Variants in PPM1H observed in about 807,000 individuals in gnomAD.
PPM1H encodes protein phosphatase, Mg2+/Mn2+ dependent 1H, also known as protein phosphatase 1H.
Under a neutral mutation model 54.9 loss-of-function variants are expected in PPM1H, and 27 were observed. The observed-to-expected ratio is 0.49, with a 90% CI of 0.36 to 0.68. The LOEUF is 0.68. PPM1H is among the 30% of genes least tolerant of loss of function. PPM1H has a pLI of 0.00. For missense variants in PPM1H, 596 were observed against 667.8 expected, an observed-to-expected ratio of 0.89 and a Z score of 1.19; for synonymous variants, 305 against 270.8, an observed-to-expected ratio of 1.13 and a Z score of -1.24.
chr12:62,738,490 T>C (rs537698120), intron 4 of PPM1H, among the ~76,000 whole-genome samples: 31 of 152,244 alleles, frequency 2.0e-4, no homozygotes, highest in African/African-American at 7.0e-4. Flanking sequence ...CAGATGTCTA[T>C]AGGAGAGGCT....
rs191125522 is a variant in PPM1H, at chr12:62,911,958, G to T, written c.245+22534C>A. ...CTAGATTTAATTCTCAAAGCCTCAGGTCTTGTCTTGGTTCTTGTTAAATCC... is the reference window on the plus strand; with the variant it reads ...CTAGATTTAATTCTCAAAGCCTCAGTTCTTGTCTTGGTTCTTGTTAAATCC... On this transcript the variant is annotated intron_variant, in intron 1 of 9. Transcript: ENST00000228705. Among the ~76,000 whole-genome samples, 20 of 152,268 alleles carry T rather than the reference G, an allele frequency of 1.3e-4. No homozygotes were observed. The East Asian group carries it at 3.9e-3, about 29-fold the overall frequency.
intron 1 of PPM1H, among the ~76,000 whole-genome samples, chr12:62,898,795 G>A (rs1327653486): frequency 6.6e-6 from 1 of 152,160 alleles, no homozygotes; most frequent in African/African-American, 2.4e-5. Context: ...CTTCAAAATT[G>A]ATCATCTCTG....
chr12:62,927,332 C>T (rs1871999702), intron 1 of PPM1H, among the ~76,000 whole-genome samples: 1 of 152,136 alleles, frequency 6.6e-6, no homozygotes, highest in African/African-American at 2.4e-5. Context: ...ATGGGAAGCC[C>T]TTCAATGGAA....
At chr12:62,829,668 C>T (rs1021839455) in intron 2 of PPM1H, among the ~76,000 whole-genome samples, 4 of 152,138 alleles carry the variant, frequency 2.6e-5, no homozygotes, top group Non-Finnish European at 5.9e-5. Flanking sequence ...TCTTGAAGGA[C>T]GGACCCCACA....
rs117658159 is a variant in PPM1H, at chr12:62,699,082, G to C, written c.1074-5083C>G. Among the ~76,000 whole-genome samples the C allele has an allele frequency of 9.1e-3, 1,388 of 152,286 alleles. 11 individuals are homozygous for C. The highest frequency in any genetic ancestry group is 0.026 in the South Asian group (126 of 4,826). ...CTACTGGCCAAGCTAACCACACAAGGGGGGTGGCAACATTTCAGGCATGTG... is the reference window on the plus strand; with the variant it reads ...CTACTGGCCAAGCTAACCACACAAGCGGGGTGGCAACATTTCAGGCATGTG... On this transcript the variant is annotated intron_variant, in intron 6 of 9. Transcript: ENST00000228705.
chr12:62,922,790 T>G (rs955292994), intron 1 of PPM1H, among the ~76,000 whole-genome samples: 1 of 152,202 alleles, frequency 6.6e-6, no homozygotes, highest in Non-Finnish European at 1.5e-5. Flanking sequence ...TTCAGAAGTA[T>G]GGAAAACACA....
chr12:62,656,913 T>C (rs1038963363), intron 9 of PPM1H, among the ~76,000 whole-genome samples: 2 of 152,066 alleles, frequency 1.3e-5, no homozygotes, highest in Admixed American at 6.6e-5. Context: ...ACTAGGCAAC[T>C]CATCCTGGGA....
intron 7 of PPM1H, among the ~76,000 whole-genome samples, chr12:62,690,695 C>T (rs1160346369): frequency 6.6e-6 from 1 of 152,162 alleles, no homozygotes; most frequent in African/African-American, 2.4e-5. Flanking sequence ...CTTGGGGCCA[C>T]GTGCGGTGGC....
At chr12:62,730,170 G>C (rs1157025998) in intron 5 of PPM1H, among the ~76,000 whole-genome samples, 1 of 152,002 alleles carries the variant, frequency 6.6e-6, no homozygotes. Flanking sequence ...TCTCTTTTCG[G>C]ACTCAGCCCA....
intron 1 of PPM1H, among the ~76,000 whole-genome samples, chr12:62,902,222 G>A (rs963270002): frequency 8.6e-5 from 13 of 151,730 alleles, no homozygotes; most frequent in Non-Finnish European, 1.3e-4. Context: ...TTAGCCGGTC[G>A]TGGTGGTGGG....
rs187462973 is a variant in PPM1H, at chr12:62,771,819, C to T, written c.869+16407G>A. 3.3e-5 allele frequency among the ~76,000 whole-genome samples: 5 copies of T among 152,338 alleles called. No homozygotes were observed. The East Asian group carries it at 9.6e-4, about 29-fold the overall frequency. On this transcript the variant is annotated intron_variant, in intron 4 of 9. Coordinates refer to ENST00000228705, the MANE Select transcript of PPM1H (RefSeq NM_020700.2). ...CTTATTTTGCCACCATTCCTCCCCA[C>T]ACCCCGTTACAATGTGAGTTCCATA...
chr12:62,758,700 G>A (rs907787773), intron 4 of PPM1H, among the ~76,000 whole-genome samples: 1 of 152,104 alleles, frequency 6.6e-6, no homozygotes, highest in African/African-American at 2.4e-5. Flanking sequence ...CCCAAGACAG[G>A]TGTCACCTAG....
At chr12:62,663,975 A>G (rs1214472230) in intron 9 of PPM1H, among the ~76,000 whole-genome samples, 2 of 144,614 alleles carry the variant, frequency 1.4e-5, no homozygotes, top group Non-Finnish European at 3.0e-5. Flanking sequence ...CTGGGCAACA[A>G]GAGCGAAACT....
At chr12:62,854,641 C>T (rs1461373088) in intron 1 of PPM1H, among the ~76,000 whole-genome samples, 2 of 152,138 alleles carry the variant, frequency 1.3e-5, no homozygotes, top group African/African-American at 4.8e-5. Context: ...TGTTACAGCA[C>T]ACTTATTTTT....
chr12:62,887,406 C>G (rs939146758), intron 1 of PPM1H, among the ~76,000 whole-genome samples: 1 of 152,188 alleles, frequency 6.6e-6, no homozygotes, highest in Non-Finnish European at 1.5e-5. Flanking sequence ...AGCCTAATGA[C>G]GGACATGTAA....
rs1206958658 is a variant in PPM1H, at chr12:62,837,718, T to C, written c.246-5439A>G. Reference sequence around the variant, plus strand: ...GCATGAAAAGTATTTGATGAGTGCCTGGTACATAGTAAGCACTTAAAATAT... The same window carrying C: ...GCATGAAAAGTATTTGATGAGTGCCCGGTACATAGTAAGCACTTAAAATAT... On this transcript the variant is annotated intron_variant, in intron 1 of 9. Transcript: ENST00000228705. Among the ~76,000 whole-genome samples the C allele has an allele frequency of 2.0e-5, 3 of 152,352 alleles. No individual in the cohort carries two copies. In the East Asian group the frequency reaches 5.8e-4, roughly 29 times the overall value.
chr12:62,856,176 C>T (rs192918227), intron 1 of PPM1H, among the ~76,000 whole-genome samples: 20 of 152,288 alleles, frequency 1.3e-4, no homozygotes, highest in Admixed American at 5.9e-4. Flanking sequence ...CTGCAGATCT[C>T]CAGAACTCTC....
chr12:62,855,972 A>G (rs1413277870), intron 1 of PPM1H, among the ~76,000 whole-genome samples: 1 of 152,174 alleles, frequency 6.6e-6, no homozygotes, highest in African/African-American at 2.4e-5. Flanking sequence ...ATCCACTACT[A>G]TTTAAGGCAA....
At chr12:62,768,113 G>A (rs1176009854) in intron 4 of PPM1H, among the ~76,000 whole-genome samples, 4 of 152,098 alleles carry the variant, frequency 2.6e-5, no homozygotes, top group Admixed American at 6.5e-5. Context: ...TGAGGTTTTC[G>A]TGGGTCATAC....
Sources: allele counts gnomAD v4.1 joint callset (sites outside exome capture counted in the v4.1 genomes callset), GRCh38; gene constraint gnomAD v4.1.1; transcripts MANE v1.5; gene names NCBI Gene and HGNC (gene_info 2026-07-23, HGNC 2026-07-21).